The following GLIS3 variants were observed in gnomAD, a reference collection of about 807,000 sequenced individuals.
GLIS3 encodes the protein GLIS family zinc finger 3.
Under a neutral mutation model 78.6 loss-of-function variants are expected in GLIS3, and 53 were observed. The observed-to-expected ratio is 0.67, with a 90% CI of 0.54 to 0.85. The LOEUF (loss-of-function observed/expected upper bound fraction) is 0.85, where lower values mean the gene tolerates loss of function less well. GLIS3 is among the 40% of genes least tolerant of loss of function. The pLI, the probability that GLIS3 is intolerant of heterozygous loss-of-function variation, is 0.00. For synonymous variants in GLIS3, 684 were observed against 509.9 expected, an observed-to-expected ratio of 1.34 and a Z score of -4.60; for missense variants, 1,703 against 1,231.1, an observed-to-expected ratio of 1.38 and a Z score of -5.74.
chr9:4,161,630 G>T (rs1661769857), intron 2 of GLIS3, among the ~76,000 whole-genome samples: 2 of 147,194 alleles, frequency 1.4e-5, no homozygotes, highest in African/African-American at 2.5e-5. Flanking sequence ...TGAATGGCTT[G>T]AAACAACAGG....
chr9:3,870,291 C>A (rs1189600556), intron 8 of GLIS3, among the ~76,000 whole-genome samples: 1 of 151,982 alleles, frequency 6.6e-6, no homozygotes, highest in African/African-American at 2.4e-5. Flanking sequence ...AATTCAATAC[C>A]AGAAAGAACT....
At chr9:4,330,457 G>C (rs1355771718) in intron 2 of GLIS3, among the ~76,000 whole-genome samples, 1 of 152,216 alleles carries the variant, frequency 6.6e-6, no homozygotes, top group African/African-American at 2.4e-5. Flanking sequence ...GGCTTTGATA[G>C]TTAATTAAAA....
chr9:4,350,883 A>C (rs59014817), upstream of GLIS3, among the ~76,000 whole-genome samples: 4,628 of 152,272 alleles, frequency 0.03, 256 homozygotes, highest in African/African-American at 0.11. Flanking sequence ...CACTAGTACC[A>C]GAACCAGCTA....
intron 4 of GLIS3, among the ~76,000 whole-genome samples, chr9:3,985,176 G>C (rs1819639849): frequency 6.6e-6 from 1 of 151,698 alleles, no homozygotes; most frequent in South Asian, 2.1e-4. Context: ...ACAGGGTCTT[G>C]CTCTGTTGTC....
At chr9:4,204,357 C>CAGGAACTCATT (rs1819661095) in intron 2 of GLIS3, among the ~76,000 whole-genome samples, 1 of 152,128 alleles carries the variant, frequency 6.6e-6, no homozygotes, top group Admixed American at 6.5e-5. Flanking sequence ...GATACACTTT[C>CAGGAACTCATT]AGGAACTCAT....
intron 2 of GLIS3, among the ~76,000 whole-genome samples, chr9:4,149,725 C>T (rs915091376): frequency 2.0e-5 from 3 of 150,540 alleles, no homozygotes; most frequent in African/African-American, 7.5e-5. Flanking sequence ...TTTGTTATCT[C>T]ACTCATTCAG....
chr9:4,073,358 A>G (rs1469936776), intron 4 of GLIS3, among the ~76,000 whole-genome samples: 2 of 152,206 alleles, frequency 1.3e-5, no homozygotes, highest in East Asian at 3.8e-4. Flanking sequence ...CAGGTCTCAC[A>G]GCACACCTTT....
At chr9:3,971,753 T>C (rs1354197597) in intron 4 of GLIS3, among the ~76,000 whole-genome samples, 2 of 152,206 alleles carry the variant, frequency 1.3e-5, no homozygotes, top group Non-Finnish European at 2.9e-5. Context: ...CACTGTCTTG[T>C]ATTTAACTGA....
At chr9:4,390,324 G>C in the GLIS3 span, among the ~76,000 whole-genome samples, 1 of 152,144 alleles carries the variant, frequency 6.6e-6, no homozygotes. Flanking sequence ...CTTTGTGGCA[G>C]TCTAAACCCA....
At chr9:4,078,716 T>C (rs1305167896) in intron 4 of GLIS3, among the ~76,000 whole-genome samples, 1 of 152,182 alleles carries the variant, frequency 6.6e-6, no homozygotes, top group African/African-American at 2.4e-5. Flanking sequence ...CCCCCTTCTT[T>C]CAGAGGTTTC....
chr9:3,942,834 C>A (rs987498594), intron 4 of GLIS3, among the ~76,000 whole-genome samples: 5 of 151,916 alleles, frequency 3.3e-5, no homozygotes, highest in African/African-American at 4.8e-5. Flanking sequence ...ATTAGGTCAC[C>A]TTAATCTTGA....
chr9:4,029,825 T>C (rs1823675662), intron 4 of GLIS3, among the ~76,000 whole-genome samples: 1 of 152,208 alleles, frequency 6.6e-6, no homozygotes, highest in Non-Finnish European at 1.5e-5. Flanking sequence ...TATACCACAT[T>C]TTTTAATCCA....
chr9:4,177,546 G>A (rs1407572376), intron 2 of GLIS3, among the ~76,000 whole-genome samples: 2 of 152,124 alleles, frequency 1.3e-5, no homozygotes, highest in Non-Finnish European at 2.9e-5. Context: ...TCCTCCCATA[G>A]CTTCTGAGAT....
At chr9:4,030,169 G>C (rs1823707090) in intron 4 of GLIS3, among the ~76,000 whole-genome samples, 1 of 152,142 alleles carries the variant, frequency 6.6e-6, no homozygotes, top group South Asian at 2.1e-4. Flanking sequence ...TCGCCTCGTA[G>C]TTTTGATTTG....
At chr9:4,144,500 T>C (rs1834058800) in intron 2 of GLIS3, among the ~76,000 whole-genome samples, 2 of 152,326 alleles carry the variant, frequency 1.3e-5, no homozygotes, top group Non-Finnish European at 2.9e-5. Flanking sequence ...TATAATTAGA[T>C]GGTTGTTTAT....
the GLIS3 span, among the ~76,000 whole-genome samples, chr9:4,424,299 G>C: frequency 6.6e-6 from 1 of 152,058 alleles, no homozygotes. Context: ...AAGTCTCTAT[G>C]GGCGTCTGTT....
chr9:4,247,121 C>A (rs924527342), intron 2 of GLIS3, among the ~76,000 whole-genome samples: 2 of 152,114 alleles, frequency 1.3e-5, no homozygotes, highest in African/African-American at 2.4e-5. Flanking sequence ...CGGTGCACAC[C>A]AAAAGCGCGA....
At chr9:3,884,585 T>C (rs966247511) in intron 7 of GLIS3, among the ~76,000 whole-genome samples, 1 of 152,124 alleles carries the variant, frequency 6.6e-6, no homozygotes, top group African/African-American at 2.4e-5. Context: ...GTGCTGGGGA[T>C]CCTGTCTCAG....
At chr9:4,353,128 G>A (rs773420781), upstream of GLIS3, among the ~76,000 whole-genome samples, 1 of 152,090 alleles carries the variant, frequency 6.6e-6, no homozygotes, top group Admixed American at 6.5e-5. Flanking sequence ...CAACTTGACC[G>A]AAATTTCTGT....
Sources: gnomAD v4.1 joint callset for allele counts (sites outside exome capture counted in the v4.1 genomes callset) on GRCh38, gnomAD v4.1.1 for gene constraint, MANE v1.5 for transcripts, NCBI Gene and HGNC (gene_info 2026-07-23, HGNC 2026-07-21) for gene names.